TJP2: variants seen among roughly 807,000 people sequenced by gnomAD.
The protein encoded by TJP2 is tight junction protein 2.
A neutral mutation model predicts 133.1 loss-of-function variants in TJP2; 91 were observed. The ratio of observed to expected loss-of-function variants is 0.68; its 90% CI spans 0.58 to 0.81. The LOEUF is 0.81. Ranked by LOEUF, TJP2 falls within the 40% of genes least tolerant of loss-of-function variation. The pLI is 0.00. For missense variants in TJP2, 1,541 were observed against 1,565.6 expected, an observed-to-expected ratio of 0.98 and a Z score of 0.26; for synonymous variants, 592 against 583.4, an observed-to-expected ratio of 1.01 and a Z score of -0.21.
intron 1 of TJP2, among the ~76,000 whole-genome samples, chr9:69,144,066 G>A (rs767995714): frequency 2.0e-5 from 3 of 152,006 alleles, no homozygotes; most frequent in Admixed American, 2.0e-4. Context: ...AAAATGACAC[G>A]ATTATAGCTT....
chr9:69,164,222 C>T (rs561224009), intron 2 of TJP2, among the ~76,000 whole-genome samples: 28 of 152,202 alleles, frequency 1.8e-4, no homozygotes, highest in African/African-American at 6.5e-4. Context: ...CTTTCAGATC[C>T]GAAAATTCTT....
At chr9:69,220,788 A>T in intron 4 of TJP2, 99 bp from the exon 5 acceptor site, 2 of 1,183,256 alleles carry the variant, frequency 1.7e-6, no homozygotes, top group Non-Finnish European at 2.5e-6. Context: ...CGGCAGGGAT[A>T]CGGTTTTCCT....
chr9:69,130,266 C>G (rs1314713283), intron 1 of TJP2, among the ~76,000 whole-genome samples: 1 of 151,912 alleles, frequency 6.6e-6, no homozygotes, highest in East Asian at 1.9e-4. Context: ...CTGTTTGGAT[C>G]TTGTATTATG....
At chr9:69,235,927 G>A (rs1278201955) in intron 12 of TJP2, 101 bp from the exon 13 acceptor site, 18 of 1,097,130 alleles carry the variant, frequency 1.6e-5, no homozygotes, top group African/African-American at 4.6e-5. Flanking sequence ...TGAATGGAAG[G>A]AAGGTAAAGG....
chr9:69,248,801 TA>T (rs1831115836), intron 19 of TJP2: 2 of 994,934 alleles, frequency 2.0e-6, no homozygotes, highest in Non-Finnish European at 2.4e-6. Context: ...ACAGGCACTG[TA>T]AAGTCACAGC....
rs187769550 is a variant in TJP2 at position 69,153,403 on chromosome 9, C to T, written c.-10+1632C>T. Among the ~76,000 whole-genome samples, 9 of 152,104 alleles carry T rather than the reference C, an allele frequency of 5.9e-5. No individual in the cohort carries two copies. The East Asian group carries it at 1.6e-3, about 26-fold the overall frequency. On this transcript the variant is annotated intron_variant, in intron 2 of 5. Coordinates refer to the TJP2 transcript ENST00000423935. Reference sequence around the variant, plus strand: ...TTTGAGACCAGCCCGGGCAACATGGCGAAACCCCATCTCTGCAAAAAATAC... The same window carrying T: ...TTTGAGACCAGCCCGGGCAACATGGTGAAACCCCATCTCTGCAAAAAATAC...
At chr9:69,192,089 A>T (rs1465323672) in intron 1 of TJP2, among the ~76,000 whole-genome samples, 1 of 152,068 alleles carries the variant, frequency 6.6e-6, no homozygotes, top group Admixed American at 6.6e-5. Context: ...TGCCGTTGCT[A>T]CAGTGGGGCT....
At position 69,225,437 on chromosome 9, in the gene TJP2, G is replaced by A. The variant is rs749874681; in HGVS notation, c.1056+30G>A. The A allele has an allele frequency of 4.4e-5, 63 of 1,418,534 alleles. No homozygotes were observed. In the East Asian group the frequency reaches 8.7e-4, roughly 19 times the overall value. The allele number at this position is 1,418,534 out of a possible 1,614,324, so 87.9% of individuals were successfully genotyped here. ...GTAGATGGGGGCAGAGAACGGTAGT[G>A]TGCATACTGCCGTTCATCGCCTGCA... On this transcript the variant is annotated intron_variant, in intron 6 of 22. Coordinates refer to ENST00000377245, the MANE Select transcript of TJP2 (RefSeq NM_004817.4).
chr9:69,134,965 A>G (rs1222227012), intron 1 of TJP2, among the ~76,000 whole-genome samples: 2 of 141,972 alleles, frequency 1.4e-5, no homozygotes, highest in East Asian at 2.0e-4. Flanking sequence ...AGAGAGAGAG[A>G]AGAGAGAAGA....
chr9:69,180,301 C>T (rs1451525052), intron 1 of TJP2, among the ~76,000 whole-genome samples: 4 of 152,146 alleles, frequency 2.6e-5, no homozygotes, highest in East Asian at 1.9e-4. Context: ...TTGGTGGAGA[C>T]GTGAGAACAT....
chr9:69,140,313 C>T (rs1421133407), intron 1 of TJP2, among the ~76,000 whole-genome samples: 6 of 152,152 alleles, frequency 3.9e-5, no homozygotes, highest in Non-Finnish European at 8.8e-5. Context: ...AAAAACAACT[C>T]TATGAGGTAG....
intron 10 of TJP2, 114 bp from the exon 11 acceptor site, chr9:69,229,968 T>G: frequency 7.3e-7 from 1 of 1,377,774 alleles, no homozygotes; most frequent in Non-Finnish European, 1.0e-6. Context: ...GAGGGCTTTG[T>G]AAACTATAAA....
upstream of TJP2, among the ~76,000 whole-genome samples, chr9:69,171,526 G>A (rs1391830225): frequency 6.6e-6 from 1 of 151,910 alleles, no homozygotes; most frequent in Non-Finnish European, 1.5e-5. Context: ...CCCCTTACCT[G>A]GAAGGCTTTT....
At chr9:69,242,236 A>G (rs1830626256) in intron 17 of TJP2, among the ~76,000 whole-genome samples, 1 of 152,174 alleles carries the variant, frequency 6.6e-6, no homozygotes, top group Admixed American at 6.5e-5. Flanking sequence ...GCTGAGTGTG[A>G]GTAAGAATCT....
At chr9:69,245,136 G>A (rs1302837590) in intron 17 of TJP2, among the ~76,000 whole-genome samples, 1 of 152,118 alleles carries the variant, frequency 6.6e-6, no homozygotes, top group Non-Finnish European at 1.5e-5. Context: ...AGAAGTCCGT[G>A]GAATCAAAGT....
In TJP2 at chr9:69,225,420, G is replaced by C. The variant is rs376377774; in HGVS notation, c.1056+13G>C. Reference sequence around the variant, plus strand: ...CATAATTCTCAAGGTGGGTAGATGGGGGCAGAGAACGGTAGTGTGCATACT... The same window carrying C: ...CATAATTCTCAAGGTGGGTAGATGGCGGCAGAGAACGGTAGTGTGCATACT... On this transcript the variant is annotated intron_variant, in intron 6 of 22. Transcript: ENST00000377245. 21 of 1,578,834 alleles carry C rather than the reference G, an allele frequency of 1.3e-5. No homozygotes were observed. The highest frequency in any genetic ancestry group is 1.7e-5 in the Non-Finnish European group (20 of 1,148,712).
chr9:69,254,810 T>C lies in TJP2; in HGVS notation c.*436T>C. ...CTCAAACTAAATTCAAAGAAGTACT[T>C]TATTGCAACTCTTTTAAGTGCCTTG... is the stretch of plus-strand genomic sequence containing the variant. On this transcript the variant is annotated 3_prime_UTR_variant, in exon 23 of 23. Coordinates refer to ENST00000377245, the MANE Select transcript of TJP2 (RefSeq NM_004817.4). The C allele has an allele frequency of 2.1e-6, 1 of 473,340 alleles. No homozygotes were observed. Among genetic ancestry groups the C allele is most frequent in the East Asian group, 3.1e-5 (1 of 32,390 alleles). The allele number at this position is 473,340 out of a possible 1,614,324, so 29.3% of individuals were successfully genotyped here.
At chr9:69,204,737 G>A (rs557852956) in intron 1 of TJP2, 3 of 671,082 alleles carry the variant, frequency 4.5e-6, no homozygotes, top group South Asian at 6.5e-5. Flanking sequence ...TCTAGCTGGC[G>A]TGTGTGTGTG....
chr9:69,162,079 C>T (rs1316298328), intron 2 of TJP2, among the ~76,000 whole-genome samples: 1 of 147,804 alleles, frequency 6.8e-6, no homozygotes, highest in Non-Finnish European at 1.5e-5. Flanking sequence ...TATAATTATA[C>T]AAATTATATT....
Sources: gnomAD v4.1 joint callset for allele counts (sites outside exome capture counted in the v4.1 genomes callset) on GRCh38, gnomAD v4.1.1 for gene constraint, MANE v1.5 for transcripts, NCBI Gene and HGNC (gene_info 2026-07-23, HGNC 2026-07-21) for gene names.